CARMIL1: variants seen among roughly 807,000 people sequenced by gnomAD.
The protein encoded by CARMIL1 is F-actin-uncapping protein LRRC16A.
CARMIL1 carries 90 observed loss-of-function variants against 177.1 expected under a neutral mutation model. That is an observed-to-expected ratio of 0.51 (90% CI 0.43 to 0.61). The LOEUF (loss-of-function observed/expected upper bound fraction) is 0.61. CARMIL1 is among the 20% of genes least tolerant of loss of function. The pLI is 0.00. For missense variants in CARMIL1, 1,380 were observed against 1,667.0 expected, an observed-to-expected ratio of 0.83 and a Z score of 3.00; for synonymous variants, 577 against 606.2, an observed-to-expected ratio of 0.95 and a Z score of 0.71.
chr6:25,520,702 CTTT>C (rs1806470527), intron 23 of CARMIL1, among the ~76,000 whole-genome samples: 1 of 152,214 alleles, frequency 6.6e-6, no homozygotes, highest in East Asian at 1.9e-4. Flanking sequence ...TCCCTCTCTT[CTTT>C]TTTCATCAAG....
chr6:25,389,238 T>C (rs1792496270), intron 2 of CARMIL1: 1 of 152,140 alleles, frequency 6.6e-6, no homozygotes, highest in African/African-American at 2.4e-5. Context: ...AATTGGAGTC[T>C]ATAAGCAAAC....
intron 8 of CARMIL1, among the ~76,000 whole-genome samples, chr6:25,459,251 T>TTTCC (rs1491348188): frequency 6.0e-5 from 7 of 116,358 alleles, no homozygotes; most frequent in Non-Finnish European, 1.1e-4. Context: ...TCTTTCTTTC[T>TTTCC]TTCTTTCTTT....
intron 16 of CARMIL1, among the ~76,000 whole-genome samples, chr6:25,498,556 G>A (rs1803970857): frequency 6.6e-6 from 1 of 152,110 alleles, no homozygotes. Flanking sequence ...GAGAAAAGTA[G>A]GAAGTATTTT....
intron 24 of CARMIL1, among the ~76,000 whole-genome samples, chr6:25,532,822 G>T (rs1481243555): frequency 6.6e-6 from 1 of 152,160 alleles, no homozygotes; most frequent in South Asian, 2.1e-4. Flanking sequence ...GTAAAAAGCC[G>T]TATAGTAAAT....
At chr6:25,581,802 C>A (rs1029356825) in intron 31 of CARMIL1, among the ~76,000 whole-genome samples, 1 of 152,092 alleles carries the variant, frequency 6.6e-6, no homozygotes, top group African/African-American at 2.4e-5. Flanking sequence ...AAAAAAGATA[C>A]AAGTACCCAA....
chr6:25,341,357 G>A (rs191926591), intron 2 of CARMIL1, among the ~76,000 whole-genome samples: 146 of 151,538 alleles, frequency 9.6e-4, no homozygotes, highest in African/African-American at 3.5e-3. Flanking sequence ...GAGTGGAACT[G>A]ATGGTGGCTG....
At chr6:25,530,439 TG>T (rs1807637326) in intron 24 of CARMIL1, among the ~76,000 whole-genome samples, 1 of 151,984 alleles carries the variant, frequency 6.6e-6, no homozygotes, top group African/African-American at 2.4e-5. Flanking sequence ...CGCTTGAACC[TG>T]GAAGGTAGAG....
intron 9 of CARMIL1, among the ~76,000 whole-genome samples, chr6:25,469,652 G>A (rs1488288143): frequency 1.3e-5 from 2 of 152,008 alleles, no homozygotes; most frequent in African/African-American, 4.8e-5. Flanking sequence ...CGACATCCTG[G>A]GCTCAAGTGA....
intron 26 of CARMIL1, 146 bp downstream of exon 26, chr6:25,540,224 C>A: frequency 1.4e-6 from 1 of 737,772 alleles, no homozygotes; most frequent in Non-Finnish European, 1.9e-6. Context: ...TGTGTCTTTT[C>A]CAGCTTCATT....
chr6:25,430,507 G>A (rs578079849), intron 4 of CARMIL1, among the ~76,000 whole-genome samples: 1 of 151,272 alleles, frequency 6.6e-6, no homozygotes, highest in Non-Finnish European at 1.5e-5. Context: ...TCAGCTCATG[G>A]CAACCTTCGC....
intron 8 of CARMIL1, among the ~76,000 whole-genome samples, chr6:25,463,819 C>T (rs1582041872): frequency 2.8e-5 from 3 of 108,496 alleles, no homozygotes; most frequent in South Asian, 3.2e-4. Flanking sequence ...AGTTGTTCTC[C>T]TTTTTTTTTT....
At chr6:25,465,391 G>A (rs1156779520) in intron 8 of CARMIL1, 4 of 154,678 alleles carry the variant, frequency 2.6e-5, no homozygotes, top group Non-Finnish European at 5.7e-5. Flanking sequence ...ATGGTGGCGC[G>A]TGCCTGTAGT....
At chr6:25,314,401 A>T in intron 2 of CARMIL1, among the ~76,000 whole-genome samples, 1 of 148,106 alleles carries the variant, frequency 6.8e-6, no homozygotes, top group Non-Finnish European at 1.5e-5. Flanking sequence ...TGAACCCGGG[A>T]GGCAGAGGTT....
intron 8 of CARMIL1, among the ~76,000 whole-genome samples, chr6:25,459,259 T>TTTCTTTCTTTCTTTCTTTCTTTCTTTC (rs1799860998): frequency 8.1e-6 from 1 of 123,800 alleles, no homozygotes. Context: ...TCTTTCTTTC[T>TTTCTTTCTTTCTTTCTTTCTTTCTTTC]TTCTTTCTTT....
chr6:25,305,302 T>C (rs1783178750), intron 2 of CARMIL1, among the ~76,000 whole-genome samples: 1 of 152,170 alleles, frequency 6.6e-6, no homozygotes, highest in South Asian at 2.1e-4. Flanking sequence ...TCCAGGAATA[T>C]TGTGAGAGTA....
At chr6:25,569,208 G>C (rs1811844207) in intron 29 of CARMIL1, among the ~76,000 whole-genome samples, 1 of 152,192 alleles carries the variant, frequency 6.6e-6, no homozygotes, top group South Asian at 2.1e-4. Context: ...GTGATATCTT[G>C]AGAATTCACT....
intron 2 of CARMIL1, among the ~76,000 whole-genome samples, chr6:25,418,899 T>C (rs1258771815): frequency 1.3e-5 from 2 of 152,252 alleles, no homozygotes; most frequent in African/African-American, 4.8e-5. Context: ...GTCAGATTAC[T>C]TCTCTTCTCA....
At chr6:25,369,637 G>A (rs1318108311) in intron 2 of CARMIL1, among the ~76,000 whole-genome samples, 2 of 151,990 alleles carry the variant, frequency 1.3e-5, no homozygotes, top group African/African-American at 4.8e-5. Flanking sequence ...AGGAAGGCTG[G>A]GCCTTTGGTT....
chr6:25,402,698 C>T (rs1459259230), intron 2 of CARMIL1, among the ~76,000 whole-genome samples: 1 of 152,148 alleles, frequency 6.6e-6, no homozygotes, highest in Non-Finnish European at 1.5e-5. Context: ...ACTAGTCACA[C>T]TTCGAGTGCT....
Sources: gnomAD v4.1 joint callset for allele counts (sites outside exome capture counted in the v4.1 genomes callset) on GRCh38, gnomAD v4.1.1 for gene constraint, MANE v1.5 for transcripts, NCBI Gene and HGNC (gene_info 2026-07-23, HGNC 2026-07-21) for gene names.